The following ZNF148 variants were observed in gnomAD, a reference collection of about 807,000 sequenced individuals.
The protein encoded by ZNF148 is Beta-Enolase Repressor Factor-1.
In ZNF148, 7 loss-of-function variants were observed where a neutral mutation model predicts 67.7. The observed-to-expected ratio is 0.10, with a 90% CI of 0.06 to 0.19. The LOEUF (loss-of-function observed/expected upper bound fraction) is 0.19. Ranked by LOEUF, ZNF148 falls within the 10% of genes least tolerant of loss-of-function variation. The probability of loss-of-function intolerance (pLI) is 1.00; values close to 1 mark genes in which losing one functional copy is unlikely to be tolerated. For missense variants in ZNF148, 583 were observed against 947.1 expected, an observed-to-expected ratio of 0.62 and a Z score of 5.05; for synonymous variants, 333 against 330.7, an observed-to-expected ratio of 1.01 and a Z score of -0.08.
chr3:125,343,309 A>G (rs1014096410), intron 1 of ZNF148, among the ~76,000 whole-genome samples: 24 of 152,164 alleles, frequency 1.6e-4, no homozygotes, highest in African/African-American at 5.6e-4. Context: ...AAAGACAAAA[A>G]AAAAGGTCCT....
rs143687597 is a variant in ZNF148, at chr3:125,262,491, G to C, written c.667+15235C>G. Among the ~76,000 whole-genome samples, 734 of 152,286 alleles carry C rather than the reference G, an allele frequency of 4.8e-3. 4 individuals carry two copies. Among genetic ancestry groups the C allele is most frequent in the Middle Eastern group, 0.031 (9 of 294 alleles). On this transcript the variant is annotated intron_variant, in intron 7 of 8. Transcript: ENST00000360647. ...TAGGAAGTACATAAAACAGCATTTT[G>C]TGATTCAATATTAGGTGCTGTCAAG...
intron 7 of ZNF148, among the ~76,000 whole-genome samples, chr3:125,241,988 T>C (rs144751257): frequency 6.1e-4 from 93 of 152,322 alleles, no homozygotes; most frequent in African/African-American, 2.2e-3. Context: ...GGAGCCATCT[T>C]ATATTTCATC....
At chr3:125,267,576 C>A (rs1332424303) in intron 7 of ZNF148, among the ~76,000 whole-genome samples, 3 of 136,288 alleles carry the variant, frequency 2.2e-5, no homozygotes, top group African/African-American at 8.1e-5. Context: ...AAGGAACATA[C>A]CTCACAATAA....
chr3:125,352,867 T>C (rs915332765), intron 1 of ZNF148, among the ~76,000 whole-genome samples: 2 of 152,174 alleles, frequency 1.3e-5, no homozygotes, highest in African/African-American at 4.8e-5. Flanking sequence ...AGACTCACTA[T>C]AAAGCTATAA....
chr3:125,371,198 C>CA (rs148657214), intron 1 of ZNF148, among the ~76,000 whole-genome samples: 44,885 of 150,834 alleles, frequency 0.3, 7,139 homozygotes, highest in Middle Eastern at 0.42. Flanking sequence ...ATAAAAAATA[C>CA]AAAAAAAGTT....
In ZNF148 at chr3:125,343,205, TA is replaced by T. The variant is rs1221035456; in HGVS notation, c.-233-11968del. Among the ~76,000 whole-genome samples the T allele has an allele frequency of 5.9e-5, 9 of 152,314 alleles. No individual in the cohort carries two copies. The East Asian group carries it at 1.5e-3, about 26-fold the overall frequency. On this transcript the variant is annotated intron_variant, in intron 1 of 8. Coordinates refer to ENST00000360647, the MANE Select transcript of ZNF148 (RefSeq NM_021964.3). ...ATCCATGCTTTTACGTGTTTTGGTT[TA>T]GTATGCAATCTTTTCCTACCATTGA...
At chr3:125,265,762 A>G (rs1579656197) in intron 7 of ZNF148, among the ~76,000 whole-genome samples, 1 of 152,334 alleles carries the variant, frequency 6.6e-6, no homozygotes, top group East Asian at 1.9e-4. Context: ...TCCATTATGT[A>G]AGTACAATAG....
chr3:125,249,491 T>C lies in ZNF148; in HGVS notation c.668-15162A>G, dbSNP rs551671758. On this transcript the variant is annotated intron_variant, in intron 7 of 8. Coordinates refer to ENST00000360647, the MANE Select transcript of ZNF148 (RefSeq NM_021964.3). ...AGATGTCATCTCAAACCTGTTAGGATGGCTATTATCAAAAAGTCAAATGAT... is the reference window on the plus strand; with the variant it reads ...AGATGTCATCTCAAACCTGTTAGGACGGCTATTATCAAAAAGTCAAATGAT... Among the ~76,000 whole-genome samples, 201 of 152,260 alleles carry C rather than the reference T, an allele frequency of 1.3e-3. 1 individual carries two copies. Among genetic ancestry groups the C allele is most frequent in the African/African-American group, 4.7e-3 (194 of 41,566 alleles).
intron 3 of ZNF148, among the ~76,000 whole-genome samples, chr3:125,321,819 T>C (rs961760148): frequency 7.9e-5 from 12 of 152,024 alleles, no homozygotes; most frequent in Non-Finnish European, 1.3e-4. Flanking sequence ...ATAATAAATA[T>C]TTTAAAAAAA....
intron 2 of ZNF148, among the ~76,000 whole-genome samples, chr3:125,326,230 G>A (rs1001542481): frequency 1.3e-5 from 2 of 151,796 alleles, no homozygotes; most frequent in African/African-American, 4.8e-5. Context: ...GCAAATATGT[G>A]GATTAATTCA....
At chr3:125,290,384 A>G (rs138162945) in intron 4 of ZNF148, among the ~76,000 whole-genome samples, 3 of 152,192 alleles carry the variant, frequency 2.0e-5, no homozygotes, top group African/African-American at 7.2e-5. Context: ...TCCTGACTTT[A>G]AAGAGTCCTC....
chr3:125,232,198 G>T lies in ZNF148; in HGVS notation c.*143C>A. The T allele has an allele frequency of 1.0e-6, 1 of 994,914 alleles. No individual in the cohort carries two copies. Among genetic ancestry groups the T allele is most frequent in the Non-Finnish European group, 1.4e-6 (1 of 713,114 alleles). 61.6% of individuals were successfully genotyped at this position (994,914 alleles called of 1,614,324 possible). A position where few individuals can be genotyped will look rare whatever the true frequency, so the allele number is the denominator to read the frequency against. On this transcript the variant is annotated 3_prime_UTR_variant, in exon 9 of 9. Coordinates refer to ENST00000360647, the MANE Select transcript of ZNF148 (RefSeq NM_021964.3). This position sits in a 1 kb window ranked among gnomAD's most constrained non-coding sequence, Gnocchi z 4.2. Reference sequence around the variant, plus strand: ...ACTAACCAAACGAAATGCAGTTATTGGATTATCTTGCTATTCATATCAGCT... The same window carrying T: ...ACTAACCAAACGAAATGCAGTTATTTGATTATCTTGCTATTCATATCAGCT...
intron 4 of ZNF148, among the ~76,000 whole-genome samples, chr3:125,310,073 A>ATT (rs3030721): frequency 1.5e-5 from 2 of 137,402 alleles, no homozygotes; most frequent in Admixed American, 7.2e-5. Context: ...GGTTCAAAGA[A>ATT]TTTTTTTTTT....
intron 7 of ZNF148, among the ~76,000 whole-genome samples, chr3:125,258,192 G>A (rs1286143879): frequency 6.6e-6 from 1 of 151,978 alleles, no homozygotes; most frequent in Non-Finnish European, 1.5e-5. Flanking sequence ...GGAGGCCAAG[G>A]TGGGCGGATC....
intron 1 of ZNF148, among the ~76,000 whole-genome samples, chr3:125,355,127 C>T (rs1942294325): frequency 6.6e-6 from 1 of 152,172 alleles, no homozygotes; most frequent in Non-Finnish European, 1.5e-5. Flanking sequence ...CTCCACAATC[C>T]TGTGTTCTAA....
chr3:125,253,626 A>C (rs577103307), intron 7 of ZNF148, among the ~76,000 whole-genome samples: 2 of 152,322 alleles, frequency 1.3e-5, no homozygotes, highest in South Asian at 4.1e-4. Context: ...TTAAGATGTT[A>C]CTAATAGGAA....
chr3:125,303,696 A>C (rs944179108), intron 4 of ZNF148, among the ~76,000 whole-genome samples: 2 of 152,042 alleles, frequency 1.3e-5, no homozygotes, highest in African/African-American at 2.4e-5. Context: ...TGAGTTGTAT[A>C]ATTACTTCAT....
chr3:125,308,127 GACAAT>G (rs949931280), intron 4 of ZNF148, among the ~76,000 whole-genome samples: 12 of 151,964 alleles, frequency 7.9e-5, no homozygotes, highest in Non-Finnish European at 1.3e-4. Context: ...AAAACATATG[GACAAT>G]ACAATAGTGA....
chr3:125,316,915 G>A (rs1198645060), intron 3 of ZNF148, among the ~76,000 whole-genome samples: 1 of 152,100 alleles, frequency 6.6e-6, no homozygotes, highest in Non-Finnish European at 1.5e-5. Context: ...TATTGAGGAA[G>A]TAGTAGTACT....
Sources: gnomAD v4.1 joint callset for allele counts (sites outside exome capture counted in the v4.1 genomes callset) on GRCh38, gnomAD v4.1.1 for gene constraint, Gnocchi (gnomAD v3.1) non-coding constraint, MANE v1.5 for transcripts, NCBI Gene and HGNC (gene_info 2026-07-23, HGNC 2026-07-21) for gene names.